ZNRF1: variants seen among roughly 807,000 people sequenced by gnomAD.
The protein encoded by ZNRF1 is E3 ubiquitin-protein ligase ZNRF1.
Under a neutral mutation model 18.4 loss-of-function variants are expected in ZNRF1, and 3 were observed. That is an observed-to-expected ratio of 0.16 (90% confidence interval 0.07 to 0.42). The LOEUF (loss-of-function observed/expected upper bound fraction) is 0.42, where lower values mean the gene tolerates loss of function less well. ZNRF1 is among the 10% of genes least tolerant of loss of function. The pLI is 0.99. For missense variants in ZNRF1, 310 were observed against 329.8 expected (o/e 0.94, Z 0.47); for synonymous variants, 157 against 144.2 (o/e 1.09, Z -0.64).
At position 75,108,285 on chromosome 16, in the gene ZNRF1, T is replaced by G. The variant is rs1049892263; in HGVS notation, c.*585T>G. On this transcript the variant is annotated 3_prime_UTR_variant, in exon 5 of 5. Transcript: ENST00000335325. ...CTTTTCTCCCCTTGAGACCCTAATA[T>G]CTTGACTTCATTGCCAAAAAACAAC... The G allele has an allele frequency of 5.7e-5, 17 of 298,484 alleles. No homozygotes were observed. Among genetic ancestry groups the G allele is most frequent in the African/African-American group, 8.6e-5 (4 of 46,298 alleles). The allele number at this position is 298,484 out of a possible 1,614,324, so 18.5% of individuals were successfully genotyped here.
At chr16:75,000,167 A>G (rs1331912549) in intron 1 of ZNRF1, 72 bp downstream of exon 1, 2 of 1,546,486 alleles carry the variant, frequency 1.3e-6, no homozygotes, top group East Asian at 2.4e-5. Flanking sequence ...CGTGCGTGCC[A>G]AGGTTTGGGA....
At chr16:75,021,110 A>G (rs1452544649) in intron 1 of ZNRF1, among the ~76,000 whole-genome samples, 2 of 152,104 alleles carry the variant, frequency 1.3e-5, no homozygotes, top group African/African-American at 4.8e-5. Context: ...GGGCGGTCTC[A>G]GCTCAGTGCA....
chr16:75,037,471 G>T (rs2035390259), intron 1 of ZNRF1, among the ~76,000 whole-genome samples: 1 of 152,046 alleles, frequency 6.6e-6, no homozygotes, highest in Admixed American at 6.6e-5. Context: ...CCAAGTAGCT[G>T]GGATTACAAG....
At chr16:75,048,478 G>A (rs1341774939) in intron 1 of ZNRF1, among the ~76,000 whole-genome samples, 5 of 152,168 alleles carry the variant, frequency 3.3e-5, no homozygotes, top group African/African-American at 7.2e-5. Flanking sequence ...TTAAAGCAGT[G>A]AAAGTGGGCA....
chr16:75,016,893 G>A (rs1447500843), intron 1 of ZNRF1, among the ~76,000 whole-genome samples: 1 of 152,062 alleles, frequency 6.6e-6, no homozygotes, highest in Non-Finnish European at 1.5e-5. Context: ...TACATGGAAG[G>A]GCAAAACTGT....
intron 1 of ZNRF1, among the ~76,000 whole-genome samples, chr16:75,032,296 A>T (rs2035316672): frequency 8.3e-6 from 1 of 120,932 alleles, no homozygotes; most frequent in Non-Finnish European, 2.1e-5. Flanking sequence ...TTTTGTAGAG[A>T]TGGGGTTTCA....
chr16:75,089,219 C>T (rs1181627453), intron 1 of ZNRF1, among the ~76,000 whole-genome samples: 1 of 152,094 alleles, frequency 6.6e-6, no homozygotes, highest in African/African-American at 2.4e-5. Context: ...CCTCCTGCCT[C>T]AACCTCCCAC....
At chr16:75,013,572 G>A (rs2035027676) in intron 1 of ZNRF1, among the ~76,000 whole-genome samples, 1 of 152,074 alleles carries the variant, frequency 6.6e-6, no homozygotes, top group Non-Finnish European at 1.5e-5. Flanking sequence ...GTCTCAATCT[G>A]TTGACCTCGT....
intron 1 of ZNRF1, among the ~76,000 whole-genome samples, chr16:75,078,751 T>C (rs2035974257): frequency 6.6e-6 from 1 of 152,254 alleles, no homozygotes; most frequent in African/African-American, 2.4e-5. Context: ...CCCATTTATG[T>C]GGTCCTCTTC....
chr16:75,072,019 G>T (rs2035876845), intron 1 of ZNRF1, among the ~76,000 whole-genome samples: 1 of 151,982 alleles, frequency 6.6e-6, no homozygotes, highest in African/African-American at 2.4e-5. Context: ...GCTTACTTCA[G>T]CCTCAACCTC....
intron 1 of ZNRF1, among the ~76,000 whole-genome samples, chr16:75,009,496 C>T (rs961214751): frequency 6.6e-6 from 1 of 152,192 alleles, no homozygotes; most frequent in Non-Finnish European, 1.5e-5. Flanking sequence ...ATTCCATTGT[C>T]TGTCTACCAC....
chr16:75,073,978 T>C (rs920072518), intron 1 of ZNRF1, among the ~76,000 whole-genome samples: 3 of 152,172 alleles, frequency 2.0e-5, no homozygotes, highest in African/African-American at 7.2e-5. Flanking sequence ...TAAAATACCC[T>C]AACTTTCAGC....
intron 1 of ZNRF1, among the ~76,000 whole-genome samples, chr16:75,014,860 G>C (rs1042067157): frequency 2.6e-5 from 4 of 151,606 alleles, no homozygotes; most frequent in African/African-American, 9.7e-5. Context: ...ATAATATTGT[G>C]ATTTTATTTG....
chr16:75,018,397 A>G (rs2035099517), intron 1 of ZNRF1, among the ~76,000 whole-genome samples: 1 of 152,072 alleles, frequency 6.6e-6, no homozygotes, highest in Non-Finnish European at 1.5e-5. Context: ...CTCTTTTGTA[A>G]TCCTCTTTTG....
chr16:75,061,772 C>G (rs1054587183), intron 1 of ZNRF1, among the ~76,000 whole-genome samples: 1 of 152,192 alleles, frequency 6.6e-6, no homozygotes, highest in Non-Finnish European at 1.5e-5. Flanking sequence ...GTATGACTTT[C>G]ACTCCTTTAG....
At chr16:75,002,167 T>G (rs772125142) in intron 1 of ZNRF1, 1 of 152,196 alleles carries the variant, frequency 6.6e-6, no homozygotes. Context: ...ATCACTCTGG[T>G]TGAGAACCAC....
chr16:75,039,720 G>C (rs1327936112), intron 1 of ZNRF1, among the ~76,000 whole-genome samples: 1 of 152,234 alleles, frequency 6.6e-6, no homozygotes, highest in African/African-American at 2.4e-5. Flanking sequence ...TGGGAAGAGA[G>C]GGGTTGGTCT....
chr16:75,041,844 A>T (rs1392187292), intron 1 of ZNRF1, among the ~76,000 whole-genome samples: 1 of 151,262 alleles, frequency 6.6e-6, no homozygotes, highest in Non-Finnish European at 1.5e-5. Flanking sequence ...TATATATATA[A>T]AATTAGCTGG....
chr16:75,028,031 T>C (rs904731315), intron 1 of ZNRF1, among the ~76,000 whole-genome samples: 6 of 152,222 alleles, frequency 3.9e-5, no homozygotes, highest in South Asian at 2.1e-4. Flanking sequence ...CCCCCTTTCC[T>C]GTAACTAGGT....
Sources: allele counts gnomAD v4.1 joint callset (sites outside exome capture counted in the v4.1 genomes callset), GRCh38; gene constraint gnomAD v4.1.1; transcripts MANE v1.5; gene names NCBI Gene and HGNC (gene_info 2026-07-23, HGNC 2026-07-21).